Variants in ERBB4 observed in about 807,000 individuals in gnomAD.
The protein encoded by ERBB4 is receptor tyrosine-protein kinase erbB-4.
Under a neutral mutation model 158.0 loss-of-function variants are expected in ERBB4, and 42 were observed. That is an observed-to-expected ratio of 0.27 (90% CI 0.21 to 0.34). ERBB4 has a LOEUF of 0.34. Ranked by LOEUF, ERBB4 falls within the 10% of genes least tolerant of loss-of-function variation. The pLI, the probability that ERBB4 is intolerant of heterozygous loss-of-function variation, is 1.00. For synonymous variants in ERBB4, 583 were observed against 558.7 expected (o/e 1.04, Z -0.61); for missense variants, 1,333 against 1,624.1 (o/e 0.82, Z 3.08).
chr2:211,434,873 T>C (rs568294660), intron 20 of ERBB4, among the ~76,000 whole-genome samples: 1 of 152,246 alleles, frequency 6.6e-6, no homozygotes, highest in Non-Finnish European at 1.5e-5. Context: ...TTTGTAACTA[T>C]GAAACATCAT....
At chr2:211,410,441 G>A (rs1318781256) in intron 25 of ERBB4, among the ~76,000 whole-genome samples, 1 of 152,060 alleles carries the variant, frequency 6.6e-6, no homozygotes, top group Non-Finnish European at 1.5e-5. Flanking sequence ...CACACATAAA[G>A]GACTAGACTT....
chr2:211,677,746 C>T lies in ERBB4; in HGVS notation c.1622+1306G>A, dbSNP rs1321658641. On this transcript the variant is annotated intron_variant, in intron 13 of 27. Transcript: ENST00000342788. ...AAAATTAGCCGGGCGTGGTGGCGGG[C>T]GCCTGTAGTCCCAGCTACTCGGGAG... is the stretch of plus-strand genomic sequence containing the variant. 1.1e-4 allele frequency among the ~76,000 whole-genome samples: 16 copies of T among 151,846 alleles called. No individual in the cohort carries two copies. The East Asian group carries it at 1.9e-3, about 18-fold the overall frequency.
chr2:211,931,585 G>A (rs991053876), intron 3 of ERBB4, among the ~76,000 whole-genome samples: 5 of 151,568 alleles, frequency 3.3e-5, no homozygotes, highest in African/African-American at 1.2e-4. Context: ...AAGAAGATAG[G>A]TAGTAGGTAG....
chr2:211,657,342 C>G (rs1438982218), intron 16 of ERBB4, among the ~76,000 whole-genome samples: 9 of 151,946 alleles, frequency 5.9e-5, no homozygotes, highest in African/African-American at 2.2e-4. Flanking sequence ...AAACCCATCT[C>G]TACTAAAAAT....
At chr2:212,120,384 T>G (rs1469902580) in intron 2 of ERBB4, among the ~76,000 whole-genome samples, 3 of 152,180 alleles carry the variant, frequency 2.0e-5, no homozygotes, top group African/African-American at 7.2e-5. Context: ...ATAACATGAC[T>G]CACATGTTTA....
chr2:212,174,881 A>G (rs1480333869), intron 1 of ERBB4, among the ~76,000 whole-genome samples: 1 of 151,982 alleles, frequency 6.6e-6, no homozygotes, highest in Non-Finnish European at 1.5e-5. Flanking sequence ...TGCATACACA[A>G]TTTTATAATT....
chr2:211,635,297 A>G (rs1426921275), intron 16 of ERBB4, among the ~76,000 whole-genome samples: 1 of 152,228 alleles, frequency 6.6e-6, no homozygotes, highest in Non-Finnish European at 1.5e-5. Context: ...AGGGATTCTG[A>G]ATCACAAACG....
intron 19 of ERBB4, among the ~76,000 whole-genome samples, chr2:211,604,655 G>A (rs1298448732): frequency 1.3e-5 from 2 of 152,086 alleles, no homozygotes; most frequent in Non-Finnish European, 2.9e-5. Flanking sequence ...TGTCTTAGCT[G>A]GCAAATACAT....
At chr2:212,162,022 T>C (rs1203644477) in intron 1 of ERBB4, among the ~76,000 whole-genome samples, 1 of 151,832 alleles carries the variant, frequency 6.6e-6, no homozygotes. Context: ...TGGGAAATAA[T>C]AGTCTACTAA....
At chr2:211,856,454 C>T (rs1285827293) in intron 3 of ERBB4, among the ~76,000 whole-genome samples, 3 of 151,734 alleles carry the variant, frequency 2.0e-5, no homozygotes, top group East Asian at 1.9e-4. Context: ...GGCACAATCT[C>T]GGCTCACTGC....
At chr2:211,513,133 TA>T (rs200436403) in intron 20 of ERBB4, among the ~76,000 whole-genome samples, 2,997 of 147,554 alleles carry the variant, frequency 0.02, 44 homozygotes, top group Middle Eastern at 0.059. Flanking sequence ...AAGCCCTGTT[TA>T]AAAAAAAAAG....
In ERBB4 at chr2:211,732,878, G is replaced by A. The variant is rs184244970; in HGVS notation, c.623-7684C>T. On this transcript the variant is annotated intron_variant, in intron 5 of 27. Transcript: ENST00000342788. ...TGTAATCCCAGCTACTCAGGAGGCT[G>A]AGGCAGGAGAATCACTTAAACCCGG... Among the ~76,000 whole-genome samples, 90 of 152,336 alleles carry A rather than the reference G, an allele frequency of 5.9e-4. No individual in the cohort carries two copies. The East Asian group carries it at 0.016, about 26-fold the overall frequency.
At chr2:211,816,069 C>T (rs1414548415) in intron 3 of ERBB4, among the ~76,000 whole-genome samples, 1 of 152,070 alleles carries the variant, frequency 6.6e-6, no homozygotes, top group Admixed American at 6.6e-5. Context: ...TCTCTCTTTC[C>T]CCAGCTTGCA....
chr2:212,372,269 T>C (rs2090115038), intron 1 of ERBB4, among the ~76,000 whole-genome samples: 4 of 152,332 alleles, frequency 2.6e-5, no homozygotes, highest in Admixed American at 6.5e-5. Flanking sequence ...TGGATGCAAA[T>C]TGAATTTAAA....
intron 20 of ERBB4, among the ~76,000 whole-genome samples, chr2:211,461,159 T>G (rs953581039): frequency 7.9e-5 from 12 of 152,142 alleles, no homozygotes; most frequent in African/African-American, 2.4e-4. Flanking sequence ...TGAAAATTCA[T>G]CTGTGTCATT....
intron 9 of ERBB4, among the ~76,000 whole-genome samples, chr2:211,708,376 T>C (rs1326115286): frequency 6.6e-6 from 1 of 152,142 alleles, no homozygotes; most frequent in Non-Finnish European, 1.5e-5. Flanking sequence ...GCGCTATGAT[T>C]AAAGACAAAT....
intron 1 of ERBB4, among the ~76,000 whole-genome samples, chr2:212,455,028 C>T (rs967723285): frequency 3.9e-5 from 6 of 152,280 alleles, no homozygotes; most frequent in South Asian, 4.1e-4. Context: ...TTTAGCATGA[C>T]GAATTTGATC....
intron 2 of ERBB4, among the ~76,000 whole-genome samples, chr2:212,083,615 G>C (rs979752392): frequency 1.3e-5 from 2 of 151,658 alleles, no homozygotes; most frequent in African/African-American, 4.8e-5. Context: ...TTAAAAGATA[G>C]TTTGGATTTA....
At chr2:212,279,373 G>A (rs912443907) in intron 1 of ERBB4, among the ~76,000 whole-genome samples, 8 of 151,578 alleles carry the variant, frequency 5.3e-5, no homozygotes, top group East Asian at 2.0e-4. Flanking sequence ...ATAATAGAAC[G>A]CTGCTGATTT....
Sources: allele counts gnomAD v4.1 joint callset (sites outside exome capture counted in the v4.1 genomes callset), GRCh38; gene constraint gnomAD v4.1.1; transcripts MANE v1.5; gene names NCBI Gene and HGNC (gene_info 2026-07-23, HGNC 2026-07-21).